The following NLRP3 variants were observed in gnomAD, a reference collection of about 807,000 sequenced individuals.
NLRP3 encodes NLR family pyrin domain containing 3.
A neutral mutation model predicts 91.3 loss-of-function variants in NLRP3; 48 were observed. The observed-to-expected ratio is 0.53, with a 90% CI of 0.42 to 0.67. NLRP3 has a LOEUF of 0.67. Among genes scored for constraint, NLRP3 ranks in the 30% least tolerant of loss-of-function variants. NLRP3 has a pLI of 0.00. For synonymous variants in NLRP3, 561 were observed against 507.9 expected (o/e 1.10, Z -1.41); for missense variants, 982 against 1,276.9 (o/e 0.77, Z 3.52).
intron 2 of NLRP3, among the ~76,000 whole-genome samples, chr1:247,422,809 C>T (rs1251313769): frequency 1.3e-5 from 2 of 152,248 alleles, no homozygotes; most frequent in Non-Finnish European, 2.9e-5. Flanking sequence ...TTGCAGGGAA[C>T]TGCGGTCAGG....
intron 9 of NLRP3, among the ~76,000 whole-genome samples, chr1:247,445,469 G>A (rs1316312069): frequency 6.6e-6 from 1 of 152,170 alleles, no homozygotes; most frequent in East Asian, 1.9e-4. Context: ...CCAAGTGCTG[G>A]GATTACAGGT....
intron 8 of NLRP3, among the ~76,000 whole-genome samples, 157 bp downstream of exon 8, chr1:247,444,299 T>C (rs1664450019): frequency 6.6e-6 from 1 of 152,144 alleles, no homozygotes; most frequent in African/African-American, 2.4e-5. Context: ...GAGGAGTCCT[T>C]CCAGATGATA....
chr1:247,419,132 A>C, intron 2 of NLRP3, 55 bp downstream of exon 2: 1 of 1,449,486 alleles, frequency 6.9e-7, no homozygotes, highest in Non-Finnish European at 9.4e-7. Context: ...CATAGTGTAC[A>C]ATTTTCCATC....
Position 247,448,478 on chromosome 1 carries a change from A to AC in NLRP3, c.3081dup (p.Val1028ArgfsTer4). 6.2e-7 allele frequency: 1 copy of AC among 1,613,222 alleles called. No individual in the cohort carries two copies. Among genetic ancestry groups the AC allele is most frequent in the African/African-American group, 1.3e-5 (1 of 74,996 alleles). On this transcript the variant is annotated frameshift_variant, in exon 10 of 10. Coordinates refer to ENST00000336119, the MANE Select transcript of NLRP3 (RefSeq NM_001243133.2). LOFTEE classifies it high-confidence loss of function. ...ACTTCAAGAAGAAAAGCCTGAGCTG[A>AC]CCGTCGTCTTTGAGCCTTCTTGGTA...
intron 7 of NLRP3, among the ~76,000 whole-genome samples, chr1:247,442,882 G>C (rs1221987775): frequency 6.6e-6 from 1 of 152,122 alleles, no homozygotes; most frequent in African/African-American, 2.4e-5. Flanking sequence ...ACTGCAGTGA[G>C]CTGTGCACTT....
chr1:247,440,078 GGTTAGGTATAGCCTACGT>G (rs144084486), intron 7 of NLRP3, among the ~76,000 whole-genome samples: 91,796 of 151,318 alleles, frequency 0.61, 27,961 homozygotes, highest in Non-Finnish European at 0.62. Context: ...ATAGCCTATG[GGTTAGGTATAGCCTACGT>G]GTTAGGTATA....
At chr1:247,435,504 G>T (rs1663721139) in intron 6 of NLRP3, among the ~76,000 whole-genome samples, 1 of 152,196 alleles carries the variant, frequency 6.6e-6, no homozygotes, top group African/African-American at 2.4e-5. Context: ...TATAGGAGGT[G>T]TCTAGAACAG....
rs1428174026 is a variant in NLRP3, at chr1:247,424,984, G to A, written c.1535G>A (p.Cys512Tyr). The change falls in exon 4 of 10, where the codon TGC becomes TAC. Residue 512 changes from cysteine to tyrosine, a missense_variant. This residue lies in a region of NLRP3 where 548 missense variants were observed against 713.7 expected (regional missense o/e 0.77). Coordinates refer to ENST00000336119, the MANE Select transcript of NLRP3 (RefSeq NM_001243133.2). The surrounding 1 kb of genome is among the most constrained non-coding windows in gnomAD (Gnocchi z 8.1). Reference sequence around the variant, plus strand: ...AACCTGTTCCAAAAGGAAGTGGACTGCGAGAAGTTCTACAGCTTCATCCAC... The same window carrying A: ...AACCTGTTCCAAAAGGAAGTGGACTACGAGAAGTTCTACAGCTTCATCCAC... ...RMNLFQKEVD[C>Y]EKFYSFIHMT... is the part of the protein sequence containing the mutation. 2.5e-6 allele frequency: 4 copies of A among 1,614,184 alleles called. No individual in the cohort carries two copies. The highest frequency in any genetic ancestry group is 3.4e-6 in the Non-Finnish European group (4 of 1,180,032).
intron 6 of NLRP3, among the ~76,000 whole-genome samples, chr1:247,435,464 A>T (rs1021405171): frequency 3.3e-5 from 5 of 152,140 alleles, no homozygotes; most frequent in African/African-American, 1.2e-4. Flanking sequence ...GATAAGCTAG[A>T]CTCGAAAGGG....
chr1:247,440,658 C>T (rs985004269), intron 7 of NLRP3, among the ~76,000 whole-genome samples: 5 of 152,110 alleles, frequency 3.3e-5, no homozygotes, highest in African/African-American at 9.7e-5. Flanking sequence ...TTCCTGGGTT[C>T]ATCTACAGCC....
intron 7 of NLRP3, among the ~76,000 whole-genome samples, chr1:247,437,805 C>T (rs1039858171): frequency 3.3e-5 from 5 of 152,222 alleles, no homozygotes; most frequent in African/African-American, 9.7e-5. Flanking sequence ...TCTCTGCTCA[C>T]GTTTGGCGAG....
At chr1:247,447,484 A>C (rs1036117169) in intron 9 of NLRP3, among the ~76,000 whole-genome samples, 7 of 152,170 alleles carry the variant, frequency 4.6e-5, no homozygotes, top group East Asian at 1.9e-4. Flanking sequence ...TCAGTATATA[A>C]CACCACCAAA....
rs375013904 is a variant in NLRP3, at chr1:247,423,244, C to T, written c.292C>T (p.Arg98Cys). 12 of 1,612,382 alleles carry T rather than the reference C, an allele frequency of 7.4e-6. No homozygotes were observed. The highest frequency in any genetic ancestry group is 2.2e-5 in the East Asian group (1 of 44,782). The part of the protein sequence containing the change: ...DEPKWGSDNA[R>C]VSNPTVICQE... ...TTCCCTTTTAGGTTCAGATAATGCACGTGTTTCGAATCCCACTGTGATATG... is the reference window on the plus strand; with the variant it reads ...TTCCCTTTTAGGTTCAGATAATGCATGTGTTTCGAATCCCACTGTGATATG... The change falls in exon 3 of 10, where the codon CGT (arginine) becomes TGT (cysteine). Residue 98 changes from arginine to cysteine, a missense_variant. Arg to Cys is a radical substitution (Grantham distance 180). Transcript: ENST00000336119.
At chr1:247,441,137 TTCTTTCTTTC>T (rs1300605997) in intron 7 of NLRP3, among the ~76,000 whole-genome samples, 131 of 23,848 alleles carry the variant, frequency 5.5e-3, no homozygotes, top group African/African-American at 0.012. Flanking sequence ...TTCTCTTTCT[TTCTTTCTTTC>T]TCTCTCTCTC....
At chr1:247,417,737 C>T (rs72553862) in intron 1 of NLRP3, among the ~76,000 whole-genome samples, 11 of 152,242 alleles carry the variant, frequency 7.2e-5, no homozygotes, top group East Asian at 3.9e-4. Context: ...CCGCCCACCT[C>T]GGCCTCCCAA....
chr1:247,444,340 C>T (rs12130711), intron 8 of NLRP3, among the ~76,000 whole-genome samples, 198 bp downstream of exon 8: 54,179 of 152,030 alleles, frequency 0.36, 10,507 homozygotes, highest in Middle Eastern at 0.56. Context: ...CTTACCATCA[C>T]AGTTTTCTGT....
chr1:247,443,766 GC>G (rs1396798481), intron 7 of NLRP3: 4 of 602,200 alleles, frequency 6.6e-6, no homozygotes, highest in African/African-American at 1.8e-5. Context: ...ATACAGCAAA[GC>G]ATCTGCTGAG....
chr1:247,447,303 G>T (rs1013573122), intron 9 of NLRP3, among the ~76,000 whole-genome samples: 1 of 152,150 alleles, frequency 6.6e-6, no homozygotes, highest in Non-Finnish European at 1.5e-5. Flanking sequence ...GAAGACAGGG[G>T]AGAAAGAACA....
intron 1 of NLRP3, among the ~76,000 whole-genome samples, chr1:247,416,402 G>C (rs967607836): frequency 2.0e-5 from 3 of 152,196 alleles, no homozygotes; most frequent in African/African-American, 7.2e-5. Context: ...ATGTGGCGGG[G>C]GGAAGCGGGG....
Sources: gnomAD v4.1 joint callset for allele counts (sites outside exome capture counted in the v4.1 genomes callset) on GRCh38, gnomAD v4.1.1 for gene constraint, gnomAD v4.1.1 regional missense constraint, Gnocchi (gnomAD v3.1) non-coding constraint, MANE v1.5 for transcripts, NCBI Gene and HGNC (gene_info 2026-07-23, HGNC 2026-07-21) for gene names.